EED: variants seen among roughly 807,000 people sequenced by gnomAD.
The protein encoded by EED is polycomb protein EED.
A neutral mutation model predicts 61.0 loss-of-function variants in EED; 9 were observed. The observed-to-expected ratio is 0.15, with a 90% CI of 0.09 to 0.26. The LOEUF (loss-of-function observed/expected upper bound fraction) is 0.26. Among genes scored for constraint, EED ranks in the 10% least tolerant of loss-of-function variants. EED has a pLI of 1.00. For synonymous variants in EED, 187 were observed against 174.4 expected (o/e 1.07, Z -0.57); for missense variants, 315 against 542.3 (o/e 0.58, Z 4.16).
chr11:86,273,259 G>T (rs1946157657), intron 9 of EED, among the ~76,000 whole-genome samples: 1 of 152,228 alleles, frequency 6.6e-6, no homozygotes, highest in South Asian at 2.1e-4. Flanking sequence ...CTGGCCTCAG[G>T]TGATTCCCCT....
intron 5 of EED, among the ~76,000 whole-genome samples, chr11:86,257,121 C>G (rs1410786233): frequency 4.6e-5 from 7 of 151,556 alleles, no homozygotes. Context: ...CACTGCAGCC[C>G]GTCTCCTGGG....
intron 11 of EED, 54 bp downstream of exon 11, chr11:86,278,045 A>T: frequency 6.8e-7 from 1 of 1,471,896 alleles, no homozygotes; most frequent in Non-Finnish European, 9.0e-7. Context: ...CCACACTTGT[A>T]TGCCAATGTA....
At chr11:86,254,236 A>G (rs1009013973) in intron 3 of EED, among the ~76,000 whole-genome samples, 1 of 151,776 alleles carries the variant, frequency 6.6e-6, no homozygotes, top group East Asian at 1.9e-4. Flanking sequence ...CATTAAGCAA[A>G]TTGTAGACTT....
At chr11:86,261,752 C>T (rs78673375) in intron 6 of EED, among the ~76,000 whole-genome samples, 4,755 of 152,256 alleles carry the variant, frequency 0.031, 239 homozygotes, top group African/African-American at 0.11. Flanking sequence ...GAAGCTATGG[C>T]CTGAGCCATA....
intron 5 of EED, among the ~76,000 whole-genome samples, chr11:86,256,957 C>A (rs529544231): frequency 6.6e-6 from 1 of 152,108 alleles, no homozygotes; most frequent in Non-Finnish European, 1.5e-5. Context: ...ATCACACTCT[C>A]CTGAGGATGC....
chr11:86,257,683 GA>G (rs1165826322), intron 6 of EED, 87 bp downstream of exon 6: 1 of 1,058,990 alleles, frequency 9.4e-7, no homozygotes, highest in East Asian at 2.7e-5. Flanking sequence ...TGACAAATAG[GA>G]AAAACCATGA....
At chr11:86,284,939 C>T in the EED span, among the ~76,000 whole-genome samples, 2 of 151,756 alleles carry the variant, frequency 1.3e-5, no homozygotes, top group Non-Finnish European at 2.9e-5. Flanking sequence ...GGTGAAACCT[C>T]GTCTCTACCA....
intron 9 of EED, among the ~76,000 whole-genome samples, chr11:86,275,737 G>C (rs1946212748): frequency 6.6e-6 from 1 of 152,168 alleles, no homozygotes; most frequent in Non-Finnish European, 1.5e-5. Context: ...GGGCTGAGAT[G>C]AGTCTTTTGA....
At chr11:86,256,801 G>C (rs1032429699) in intron 5 of EED, among the ~76,000 whole-genome samples, 1 of 152,186 alleles carries the variant, frequency 6.6e-6, no homozygotes, top group African/African-American at 2.4e-5. Flanking sequence ...TGAACAATAA[G>C]AGGGAGTCCA....
chr11:86,252,679 T>A (rs183838715), intron 3 of EED, among the ~76,000 whole-genome samples: 1 of 152,300 alleles, frequency 6.6e-6, no homozygotes, highest in Non-Finnish European at 1.5e-5. Context: ...ATGTTTTAAT[T>A]ACTTGCAGTA....
intron 2 of EED, 75 bp from the exon 3 acceptor site, chr11:86,252,073 G>A: frequency 1.7e-6 from 2 of 1,156,574 alleles, no homozygotes; most frequent in Non-Finnish European, 2.5e-6. Flanking sequence ...AAAAAGAAGG[G>A]GATAGGTTAG....
At chr11:86,251,699 A>G (rs768970650) in intron 2 of EED, among the ~76,000 whole-genome samples, 60 of 152,320 alleles carry the variant, frequency 3.9e-4, no homozygotes, top group Non-Finnish European at 7.5e-4. Context: ...GGAGTCTGCT[A>G]TGCTTCACTT....
At position 86,254,565 on chromosome 11, in the gene EED, C is replaced by T. The variant is rs532409421; in HGVS notation, c.361-657C>T. On this transcript the variant is annotated intron_variant, in intron 3 of 11. Transcript: ENST00000263360. The stretch of plus-strand genomic sequence containing the variant: ...TGATCTCCTGACCTCGTGATCCACC[C>T]GCCTCGGCCTCCCAAAGTGCTGGGA... Among the ~76,000 whole-genome samples, 437 of 151,396 alleles carry T rather than the reference C, an allele frequency of 2.9e-3. 3 individuals are homozygous for T. The highest frequency in any genetic ancestry group is 0.01 in the African/African-American group (417 of 41,224).
chr11:86,264,339 TA>T, intron 7 of EED, 76 bp downstream of exon 7: 1 of 1,050,398 alleles, frequency 9.5e-7, no homozygotes, highest in Non-Finnish European at 1.4e-6. Context: ...TGTTTCCTTA[TA>T]AGAAAGTGTG....
intron 1 of EED, among the ~76,000 whole-genome samples, chr11:86,247,722 A>G (rs934100623): frequency 6.6e-6 from 1 of 152,242 alleles, no homozygotes; most frequent in Non-Finnish European, 1.5e-5. Flanking sequence ...AGAACATTGT[A>G]TAAAAATGAG....
chr11:86,260,737 T>C (rs554822528), intron 6 of EED, among the ~76,000 whole-genome samples: 1 of 152,340 alleles, frequency 6.6e-6, no homozygotes, highest in South Asian at 2.1e-4. Flanking sequence ...AAATTGCTTA[T>C]GTCAAATCTG....
At chr11:86,258,568 T>G (rs2138168374) in intron 6 of EED, among the ~76,000 whole-genome samples, 1 of 151,156 alleles carries the variant, frequency 6.6e-6, no homozygotes, top group African/African-American at 2.4e-5. Flanking sequence ...TTTTTTTTTT[T>G]TTTTGAGACA....
chr11:86,261,157 T>A (rs1182301770), intron 6 of EED, among the ~76,000 whole-genome samples: 1 of 152,180 alleles, frequency 6.6e-6, no homozygotes, highest in East Asian at 1.9e-4. Flanking sequence ...AAATTCTCCA[T>A]CTGTGGGTCT....
chr11:86,284,545 T>C, the EED span: 2 of 152,228 alleles, frequency 1.3e-5, no homozygotes. Context: ...CCACACTCAA[T>C]GTCCATTCAG....
Sources: gnomAD v4.1 joint callset for allele counts (sites outside exome capture counted in the v4.1 genomes callset) on GRCh38, gnomAD v4.1.1 for gene constraint, MANE v1.5 for transcripts, NCBI Gene and HGNC (gene_info 2026-07-23, HGNC 2026-07-21) for gene names.